DIAPH2: variants seen among roughly 807,000 people sequenced by gnomAD.
The protein encoded by DIAPH2 is diaphanous related formin 2.
DIAPH2 carries 35 observed loss-of-function variants against 92.7 expected under a neutral mutation model. That is an observed-to-expected ratio of 0.38 (90% CI 0.29 to 0.50). The LOEUF (loss-of-function observed/expected upper bound fraction) is 0.50. DIAPH2 is among the 20% of genes least tolerant of loss of function. The pLI, the probability that DIAPH2 is intolerant of heterozygous loss-of-function variation, is 0.94. For missense variants in DIAPH2, 701 were observed against 819.5 expected, an observed-to-expected ratio of 0.86 and a Z score of 1.77; for synonymous variants, 301 against 280.4, an observed-to-expected ratio of 1.07 and a Z score of -0.73.
chrX:96,812,378 A>G (rs1296307376), intron 4 of DIAPH2, among the ~76,000 whole-genome samples: 1 of 111,431 alleles, frequency 9.0e-6, no homozygotes, highest in Non-Finnish European at 1.9e-5. Flanking sequence ...CCCCTTTATC[A>G]TTTTTTATTG....
At chrX:96,770,347 A>G (rs2064330944) in intron 4 of DIAPH2, among the ~76,000 whole-genome samples, 1 of 112,333 alleles carries the variant, frequency 8.9e-6, no homozygotes, top group South Asian at 3.7e-4. Context: ...TTAAGCTGCT[A>G]CTACATTAAT....
intron 23 of DIAPH2, among the ~76,000 whole-genome samples, chrX:97,329,612 A>G (rs186381927): frequency 3.6e-5 from 4 of 111,058 alleles, no homozygotes. Flanking sequence ...ACTACTTTCA[A>G]TATTCTGAGG....
At chrX:96,915,071 A>C (rs1045934841) in intron 7 of DIAPH2, among the ~76,000 whole-genome samples, 1 of 110,901 alleles carries the variant, frequency 9.0e-6, no homozygotes, top group Non-Finnish European at 1.9e-5. Context: ...AAAGCAACCC[A>C]TTGTTTCTTA....
intron 20 of DIAPH2, among the ~76,000 whole-genome samples, chrX:97,112,667 G>A (rs934319248): frequency 9.4e-6 from 1 of 106,414 alleles, no homozygotes; most frequent in Admixed American, 1.0e-4. Context: ...TATATACCTA[G>A]CCTATAAACC....
chrX:96,784,766 G>T (rs1485199880), intron 4 of DIAPH2, among the ~76,000 whole-genome samples: 1 of 112,393 alleles, frequency 8.9e-6, no homozygotes, highest in Non-Finnish European at 1.9e-5. Flanking sequence ...GACTTCAGTG[G>T]ATTCTGTGTT....
chrX:96,987,417 A>G (rs759617745), intron 17 of DIAPH2, among the ~76,000 whole-genome samples: 2 of 111,631 alleles, frequency 1.8e-5, no homozygotes, highest in South Asian at 3.8e-4. Context: ...TTATTACTCC[A>G]TTAGACCTAT....
intron 23 of DIAPH2, among the ~76,000 whole-genome samples, chrX:97,275,253 CGGCT>C: frequency 9.9e-6 from 1 of 101,295 alleles, no homozygotes; most frequent in African/African-American, 3.7e-5. Context: ...CCAGACGGGG[CGGCT>C]GGCCGGGCAG....
intron 1 of DIAPH2, 128 bp downstream of exon 1, chrX:96,685,318 G>C: frequency 1.2e-6 from 1 of 809,410 alleles, no homozygotes. Flanking sequence ...GCAACTCGGG[G>C]AGCCGCTAAA....
intron 26 of DIAPH2, among the ~76,000 whole-genome samples, chrX:97,486,628 A>G (rs1027554760): frequency 3.6e-5 from 4 of 111,582 alleles, no homozygotes; most frequent in Admixed American, 2.9e-4. Context: ...TACACATACT[A>G]TTTAGCCCAG....
intron 4 of DIAPH2, among the ~76,000 whole-genome samples, chrX:96,767,082 A>G (rs1353781574): frequency 9.0e-6 from 1 of 111,470 alleles, no homozygotes; most frequent in Non-Finnish European, 1.9e-5. Context: ...ATTTCCACCT[A>G]CAGTAATATA....
At chrX:96,885,062 C>G in intron 5 of DIAPH2, 1 of 1,209,748 alleles carries the variant, frequency 8.3e-7, no homozygotes, top group Non-Finnish European at 1.1e-6. Flanking sequence ...ATCTATCCCA[C>G]TGTGGATCGG....
At chrX:97,292,548 A>ATTT (rs770697641) in intron 23 of DIAPH2, among the ~76,000 whole-genome samples, 1 of 94,605 alleles carries the variant, frequency 1.1e-5, no homozygotes, top group Non-Finnish European at 2.1e-5. Context: ...TTAATACCCA[A>ATTT]TTTTTTTTTT....
intron 23 of DIAPH2, among the ~76,000 whole-genome samples, chrX:97,336,306 A>G (rs1224722009): frequency 1.0e-5 from 1 of 98,006 alleles, no homozygotes; most frequent in Non-Finnish European, 2.0e-5. Flanking sequence ...ATGCAGTGGC[A>G]CGATCTTGGC....
intron 17 of DIAPH2, among the ~76,000 whole-genome samples, chrX:97,040,746 C>T (rs1205554486): frequency 9.2e-6 from 1 of 109,060 alleles, no homozygotes; most frequent in East Asian, 2.9e-4. Context: ...TAATAATAAA[C>T]GTTTAGCTTT....
At chrX:97,375,379 C>T (rs1182396043) in intron 24 of DIAPH2, among the ~76,000 whole-genome samples, 2 of 110,764 alleles carry the variant, frequency 1.8e-5, no homozygotes, top group Non-Finnish European at 3.8e-5. Context: ...TTGCTTGAAC[C>T]TGGGAGGCGG....
intron 26 of DIAPH2, among the ~76,000 whole-genome samples, chrX:97,436,325 A>C (rs1424232554): frequency 9.0e-6 from 1 of 111,612 alleles, no homozygotes; most frequent in Non-Finnish European, 1.9e-5. Flanking sequence ...GACATTAAAA[A>C]AACACACAAG....
At position 97,437,038 on chromosome X, in the gene DIAPH2, C is replaced by G. The variant is rs148712112; in HGVS notation, c.3241+7293C>G. Among the ~76,000 whole-genome samples the G allele has an allele frequency of 3.0e-3, 332 of 111,535 alleles. 2 individuals are homozygous for G. The highest frequency in any genetic ancestry group is 0.01 in the African/African-American group (308 of 30,710). ...CGCCCACCATCACAGAGGATTTGACCCAAGATGGCAAGAGCCAAAGACAAG... is the reference window on the plus strand; with the variant it reads ...CGCCCACCATCACAGAGGATTTGACGCAAGATGGCAAGAGCCAAAGACAAG... On this transcript the variant is annotated intron_variant, in intron 26 of 26. Coordinates refer to ENST00000324765, the MANE Select transcript of DIAPH2 (RefSeq NM_006729.5).
At chrX:97,416,050 G>A (rs889140304) in intron 25 of DIAPH2, among the ~76,000 whole-genome samples, 1 of 111,757 alleles carries the variant, frequency 8.9e-6, no homozygotes, top group South Asian at 3.8e-4. Context: ...AAGTAAGTCT[G>A]CTAAGAGCAC....
chrX:97,459,839 C>T (rs2070443496), intron 26 of DIAPH2, among the ~76,000 whole-genome samples: 1 of 111,674 alleles, frequency 9.0e-6, no homozygotes. Context: ...TCTCTGGGTT[C>T]AAATCCTGGC....
Sources: gnomAD v4.1 joint callset for allele counts (sites outside exome capture counted in the v4.1 genomes callset) on GRCh38, gnomAD v4.1.1 for gene constraint, MANE v1.5 for transcripts, NCBI Gene and HGNC (gene_info 2026-07-23, HGNC 2026-07-21) for gene names.